The following PCDHGA4 variants were observed in gnomAD, a reference collection of about 807,000 sequenced individuals.
The protein encoded by PCDHGA4 is protocadherin gamma subfamily A, 4.
In PCDHGA4, 38 loss-of-function variants were observed where a neutral mutation model predicts 54.6. The ratio of observed to expected loss-of-function variants is 0.70; its 90% CI spans 0.54 to 0.91. PCDHGA4 has a LOEUF of 0.91. Among genes scored for constraint, PCDHGA4 ranks in the 40% least tolerant of loss-of-function variants. The pLI is 0.00. For synonymous variants in PCDHGA4, 511 were observed against 512.9 expected (o/e 1.00, Z 0.05); for missense variants, 1,298 against 1,220.9 (o/e 1.06, Z -0.94).
chr5:141,414,251 C>T, intron 1 of PCDHGA4: 3 of 1,613,346 alleles, frequency 1.9e-6, no homozygotes, highest in Non-Finnish European at 2.5e-6. Context: ...CTATTTAGTC[C>T]AGTGACTGAA....
At chr5:141,457,881 G>T (rs2098931594) in intron 1 of PCDHGA4, among the ~76,000 whole-genome samples, 2 of 152,230 alleles carry the variant, frequency 1.3e-5, no homozygotes, top group African/African-American at 4.8e-5. Context: ...TAGGAACCCT[G>T]TGTGGGGACT....
chr5:141,450,085 C>T (rs997781052), intron 1 of PCDHGA4, among the ~76,000 whole-genome samples: 3 of 149,208 alleles, frequency 2.0e-5, no homozygotes, highest in Non-Finnish European at 4.4e-5. Context: ...TGGCTCACTG[C>T]AACCTCCGCC....
At chr5:141,437,660 G>A (rs1021986333) in intron 1 of PCDHGA4, among the ~76,000 whole-genome samples, 6 of 151,866 alleles carry the variant, frequency 4.0e-5, no homozygotes, top group Non-Finnish European at 5.9e-5. Flanking sequence ...ACATAGTTTC[G>A]AAGAGATGTT....
At chr5:141,389,404 C>T in intron 1 of PCDHGA4, 3 of 1,613,616 alleles carry the variant, frequency 1.9e-6, no homozygotes, top group Non-Finnish European at 2.5e-6. Context: ...TCCATAAGCG[C>T]GGAGAGCGGG....
chr5:141,355,428 C>A lies in PCDHGA4; in HGVS notation c.321C>A (p.Ala107=). The A allele has an allele frequency of 6.2e-7, 1 of 1,614,082 alleles. No individual in the cohort carries two copies. Among genetic ancestry groups the A allele is most frequent in the Non-Finnish European group, 8.5e-7 (1 of 1,179,918 alleles). ...IVSRGRTQLF[A]LNPRSGTLVT... ...CCAGAGGTAGGACGCAGCTTTTCGC[C>A]CTGAACCCGCGCAGCGGCACCTTGG... Residue 107 remains alanine (A), a synonymous_variant, in exon 1 of 4, where the codon GCC becomes GCA. Transcript: ENST00000571252.
At chr5:141,374,922 C>T in intron 1 of PCDHGA4, 2 of 1,613,928 alleles carry the variant, frequency 1.2e-6, no homozygotes, top group Non-Finnish European at 1.7e-6. Context: ...GTAACTTATT[C>T]CTTTGTGAAG....
Position 141,468,837 on chromosome 5 carries a change from G to A in PCDHGA4, c.2515-25970G>A, listed in dbSNP as rs550455857. ...GCCAAGATCAAGCCACTGCACTCCA[G>A]CCTGGGCAACAGAGCGAGACTCCAT... On this transcript the variant is annotated intron_variant, in intron 1 of 3. Transcript: ENST00000571252. 3.3e-5 allele frequency among the ~76,000 whole-genome samples: 5 copies of A among 152,228 alleles called. No homozygotes were observed. The East Asian group carries it at 9.7e-4, about 29-fold the overall frequency.
intron 1 of PCDHGA4, chr5:141,410,849 CTTTTTTTT>C (rs759346998): frequency 2.0e-4 from 27 of 138,178 alleles, no homozygotes; most frequent in Middle Eastern, 4.3e-3. Context: ...TTGTCTTTGT[CTTTTTTTT>C]TTTTTTTTTT....
chr5:141,362,291 C>A, intron 1 of PCDHGA4: 1 of 1,614,076 alleles, frequency 6.2e-7, no homozygotes, highest in Non-Finnish European at 8.5e-7. Flanking sequence ...CGACTCTCTT[C>A]CAGGTCAGAT....
chr5:141,444,281 C>T (rs1256106299), intron 1 of PCDHGA4, among the ~76,000 whole-genome samples: 1 of 146,976 alleles, frequency 6.8e-6, no homozygotes, highest in African/African-American at 2.5e-5. Context: ...AAGTGATTCT[C>T]CTGCCTCAGC....
chr5:141,393,486 A>G, intron 1 of PCDHGA4: 1 of 1,614,082 alleles, frequency 6.2e-7, no homozygotes. Flanking sequence ...TCGCTCTAGC[A>G]CAGTGCGCAT....
rs776079289 is a variant in PCDHGA4 at position 141,423,264 on chromosome 5, CGAGTCTCT to C, written c.2514+65645_2514+65652del. The C allele has an allele frequency of 9.8e-5, 158 of 1,613,986 alleles. 1 individual carries two copies. The African/African-American group carries it at 1.9e-3, about 20-fold the overall frequency. ...AAGTCCTGGCGGACCTCGGCAGCCT[CGAGTCTCT>C]GGCTAACTCTGAAACCTCAGACCTC... On this transcript the variant is annotated intron_variant, in intron 1 of 3. Transcript: ENST00000571252.
At chr5:141,436,327 C>T (rs1384222077) in intron 1 of PCDHGA4, among the ~76,000 whole-genome samples, 1 of 152,098 alleles carries the variant, frequency 6.6e-6, no homozygotes, top group Admixed American at 6.5e-5. Flanking sequence ...ACTGTTAGAC[C>T]ATATCTCAAA....
chr5:141,490,445 A>G lies in PCDHGA4; in HGVS notation c.2515-4362A>G, dbSNP rs2099700298. 6.2e-7 allele frequency: 1 copy of G among 1,614,022 alleles called. No individual in the cohort carries two copies. The highest frequency in any genetic ancestry group is 8.5e-7 in the Non-Finnish European group (1 of 1,180,030). ...CCATTTCAGATTAAGCCTTCTGAGA[A>G]CCACTACTCGCTGCTAACCAGCCAG... On this transcript the variant is annotated intron_variant, in intron 1 of 3. Coordinates refer to ENST00000571252, the MANE Select transcript of PCDHGA4 (RefSeq NM_018917.4). The surrounding 1 kb of genome is among the most constrained non-coding windows in gnomAD (Gnocchi z 5.4).
At chr5:141,425,069 A>C (rs771114613) in intron 1 of PCDHGA4, among the ~76,000 whole-genome samples, 30 of 152,170 alleles carry the variant, frequency 2.0e-4, no homozygotes, top group Non-Finnish European at 4.1e-4. Context: ...GACAAAAATA[A>C]TTTCAACTGT....
intron 1 of PCDHGA4, chr5:141,413,001 G>A (rs2095597089): frequency 1.7e-6 from 1 of 592,790 alleles, no homozygotes; most frequent in Non-Finnish European, 2.8e-6. Flanking sequence ...CGGATTCTCA[G>A]GGCTTCAACT....
At chr5:141,464,916 T>C (rs1298310554) in intron 1 of PCDHGA4, among the ~76,000 whole-genome samples, 1 of 152,024 alleles carries the variant, frequency 6.6e-6, no homozygotes, top group Non-Finnish European at 1.5e-5. Flanking sequence ...TTTTTTTATT[T>C]TTTTGTAGAG....
At chr5:141,503,517 T>C (rs6878542) in intron 2 of PCDHGA4, among the ~76,000 whole-genome samples, 77,350 of 150,132 alleles carry the variant, frequency 0.52, 20,504 homozygotes, top group African/African-American at 0.63. Flanking sequence ...GAGAATCACT[T>C]GAACCTGGGA....
chr5:141,362,170 C>A, intron 1 of PCDHGA4: 1 of 1,614,036 alleles, frequency 6.2e-7, no homozygotes, highest in Non-Finnish European at 8.5e-7. Flanking sequence ...CAGCGACCGC[C>A]GGGAGCCCTC....
Sources: allele counts gnomAD v4.1 joint callset (sites outside exome capture counted in the v4.1 genomes callset), GRCh38; gene constraint gnomAD v4.1.1; non-coding constraint Gnocchi (gnomAD v3.1); transcripts MANE v1.5; gene names NCBI Gene and HGNC (gene_info 2026-07-23, HGNC 2026-07-21).